The following FAM83B variants were observed in gnomAD, a reference collection of about 807,000 sequenced individuals.
The protein encoded by FAM83B is protein FAM83B.
Under a neutral mutation model 38.8 loss-of-function variants are expected in FAM83B, and 26 were observed. The ratio of observed to expected loss-of-function variants is 0.67; its 90% CI spans 0.49 to 0.93. FAM83B has a LOEUF of 0.93. Ranked by LOEUF, FAM83B falls within the 40% of genes least tolerant of loss-of-function variation. FAM83B has a pLI of 0.00. For synonymous variants in FAM83B, 419 were observed against 423.1 expected (o/e 0.99, Z 0.12); for missense variants, 1,237 against 1,197.3 (o/e 1.03, Z -0.49).
chr6:54,901,021 A>G (rs2127582236), intron 2 of FAM83B, among the ~76,000 whole-genome samples: 1 of 152,332 alleles, frequency 6.6e-6, no homozygotes, highest in South Asian at 2.1e-4. Context: ...GCTCTTTGAC[A>G]CTATAAAAAT....
chr6:54,871,567 TA>T (rs1771853875), intron 2 of FAM83B, among the ~76,000 whole-genome samples: 1 of 143,614 alleles, frequency 7.0e-6, no homozygotes, highest in Non-Finnish European at 1.5e-5. Flanking sequence ...ATAATAATAA[TA>T]ATAATAATAA....
intron 2 of FAM83B, among the ~76,000 whole-genome samples, chr6:54,900,649 T>A (rs1490022115): frequency 1.3e-5 from 2 of 152,186 alleles, no homozygotes; most frequent in Non-Finnish European, 2.9e-5. Context: ...TAGAAATAAG[T>A]ATGTGTCAGT....
chr6:54,853,759 C>G (rs1053811559), intron 1 of FAM83B, among the ~76,000 whole-genome samples: 1 of 152,112 alleles, frequency 6.6e-6, no homozygotes, highest in Non-Finnish European at 1.5e-5. Flanking sequence ...TGTTCCATAG[C>G]ACATGGATCA....
chr6:54,863,017 C>T (rs16886072), intron 1 of FAM83B, among the ~76,000 whole-genome samples: 14,905 of 152,082 alleles, frequency 0.098, 843 homozygotes, highest in African/African-American at 0.15. Flanking sequence ...GAGTAGGAGG[C>T]GAGTTCTTGT....
chr6:54,878,777 A>G (rs1011908480), intron 2 of FAM83B, among the ~76,000 whole-genome samples: 1 of 152,174 alleles, frequency 6.6e-6, no homozygotes, highest in Non-Finnish European at 1.5e-5. Context: ...TCAATTTTAA[A>G]CCTGCTATAT....
intron 1 of FAM83B, among the ~76,000 whole-genome samples, chr6:54,857,384 T>C (rs1371318526): frequency 2.0e-5 from 3 of 152,226 alleles, no homozygotes; most frequent in African/African-American, 4.8e-5. Flanking sequence ...TGTCTAAATA[T>C]GTCTTTGTTG....
intron 1 of FAM83B, among the ~76,000 whole-genome samples, chr6:54,858,756 A>C (rs1042128512): frequency 2.0e-5 from 3 of 152,194 alleles, no homozygotes; most frequent in Non-Finnish European, 4.4e-5. Context: ...ACTTTAACAT[A>C]ATAAAATAAT....
chr6:54,872,991 G>GT (rs1235313032), intron 2 of FAM83B, among the ~76,000 whole-genome samples: 6 of 35,758 alleles, frequency 1.7e-4, no homozygotes, highest in Admixed American at 8.0e-4. Context: ...TGGTGCACAT[G>GT]GTTTTTGTTT....
chr6:54,924,867 C>T (rs1773254427), intron 2 of FAM83B, among the ~76,000 whole-genome samples: 1 of 152,088 alleles, frequency 6.6e-6, no homozygotes, highest in Non-Finnish European at 1.5e-5. Flanking sequence ...TCCATGTTTC[C>T]ATCCTTGCTA....
chr6:54,881,949 T>A (rs745507570), intron 2 of FAM83B, among the ~76,000 whole-genome samples: 7 of 152,188 alleles, frequency 4.6e-5, no homozygotes, highest in Non-Finnish European at 1.0e-4. Context: ...GTGTGTGATG[T>A]TCCCCACCCT....
At chr6:54,880,701 C>T (rs552921455) in intron 2 of FAM83B, among the ~76,000 whole-genome samples, 10 of 152,162 alleles carry the variant, frequency 6.6e-5, no homozygotes, top group Admixed American at 3.3e-4. Flanking sequence ...CCTCGGCCTC[C>T]CCAGGTGCTG....
At chr6:54,903,270 C>T (rs1038115064) in intron 2 of FAM83B, among the ~76,000 whole-genome samples, 2 of 152,104 alleles carry the variant, frequency 1.3e-5, no homozygotes, top group African/African-American at 4.8e-5. Flanking sequence ...TGCAAGTATA[C>T]ATATCTCTGT....
rs1375935973 is a variant in FAM83B, at chr6:54,884,317, A to AAAG, written c.444+13628_444+13629insAGA. On this transcript the variant is annotated intron_variant, in intron 2 of 4. Transcript: ENST00000306858. ...CCCCGTCTAAAAAAAAAAAAAAAAAAAGAGAAAAATAGAAAATGAGCTGGG... is the reference window on the plus strand; with the variant it reads ...CCCCGTCTAAAAAAAAAAAAAAAAAAAAGAGAGAAAAATAGAAAATGAGCTGGG... Among the ~76,000 whole-genome samples, 33 of 149,290 alleles carry AAAG rather than the reference A, an allele frequency of 2.2e-4. 1 individual carries two copies. Among genetic ancestry groups the AAAG allele is most frequent in the African/African-American group, 7.4e-4 (30 of 40,744 alleles).
chr6:54,885,518 A>C (rs1347598700), intron 2 of FAM83B, among the ~76,000 whole-genome samples: 1 of 152,062 alleles, frequency 6.6e-6, no homozygotes, highest in Non-Finnish European at 1.5e-5. Context: ...GTTTTTATAT[A>C]GATTATTTTG....
rs1362603069 is a variant in FAM83B, at chr6:54,944,015, T to C, written c.*2008T>C. 6.6e-6 allele frequency: 1 copy of C among 152,200 alleles called. No individual in the cohort carries two copies. The highest frequency in any genetic ancestry group is 1.5e-5 in the Non-Finnish European group (1 of 68,024). 9.4% of individuals were successfully genotyped at this position (152,200 alleles called of 1,614,324 possible). On this transcript the variant is annotated 3_prime_UTR_variant, in exon 5 of 5. Transcript: ENST00000306858. ...CTTTATTTCATCATCCCCTGACAGG[T>C]GACTTAGGCTTTGCACAGCAGATTT...
chr6:54,915,324 C>A (rs986057150), intron 2 of FAM83B, among the ~76,000 whole-genome samples: 1 of 152,096 alleles, frequency 6.6e-6, no homozygotes, highest in African/African-American at 2.4e-5. Flanking sequence ...TAATTTAGGT[C>A]TCTACACCCT....
intron 1 of FAM83B, among the ~76,000 whole-genome samples, chr6:54,848,944 A>G (rs1022899331): frequency 2.6e-5 from 4 of 152,324 alleles, no homozygotes; most frequent in African/African-American, 9.6e-5. Context: ...TATAAGTTGC[A>G]AAATGTGAAT....
At chr6:54,899,878 T>C (rs1287737840) in intron 2 of FAM83B, among the ~76,000 whole-genome samples, 1 of 152,154 alleles carries the variant, frequency 6.6e-6, no homozygotes, top group Non-Finnish European at 1.5e-5. Context: ...ATTTTCAGTT[T>C]TTTTCTGACT....
At chr6:54,910,436 C>T (rs896718965) in intron 2 of FAM83B, among the ~76,000 whole-genome samples, 1 of 152,204 alleles carries the variant, frequency 6.6e-6, no homozygotes, top group Admixed American at 6.5e-5. Flanking sequence ...CCATGCTTCT[C>T]TGCCCTTTCG....
Sources: allele counts gnomAD v4.1 joint callset (sites outside exome capture counted in the v4.1 genomes callset), GRCh38; gene constraint gnomAD v4.1.1; transcripts MANE v1.5; gene names NCBI Gene and HGNC (gene_info 2026-07-23, HGNC 2026-07-21).